DRAXIN: variants seen among roughly 807,000 people sequenced by gnomAD.
The protein encoded by DRAXIN is dorsal inhibitory axon guidance protein.
Under a neutral mutation model 33.9 loss-of-function variants are expected in DRAXIN, and 27 were observed. The observed-to-expected ratio is 0.80, with a 90% CI of 0.59 to 1.10. The LOEUF (loss-of-function observed/expected upper bound fraction) is 1.10. DRAXIN is among the 50% of genes least tolerant of loss of function. The probability of loss-of-function intolerance (pLI) is 0.00; values close to 1 mark genes in which losing one functional copy is unlikely to be tolerated. For missense variants in DRAXIN, 371 were observed against 460.8 expected (o/e 0.81, Z 1.78); for synonymous variants, 178 against 194.0 (o/e 0.92, Z 0.69).
rs2100735738 is a variant in DRAXIN at position 11,704,846 on chromosome 1, C to T, written c.-10-1403C>T. 6.6e-6 allele frequency among the ~76,000 whole-genome samples: 1 copy of T among 152,280 alleles called. No individual in the cohort carries two copies. On this transcript the variant is annotated intron_variant, in intron 1 of 6. Transcript: ENST00000294485. The surrounding 1 kb of genome is among the most constrained non-coding windows in gnomAD (Gnocchi z 4.6). The stretch of plus-strand genomic sequence containing the variant: ...ACAGTGGAGGCCAGGGCCCAGGATC[C>T]CAGGGGACCAGGACATGCCAGGCTG...
upstream of DRAXIN, among the ~76,000 whole-genome samples, chr1:11,687,295 G>A (rs188322352): frequency 1.9e-4 from 29 of 152,128 alleles, no homozygotes; most frequent in East Asian, 5.2e-3. The surrounding 1 kb of genome is among the most constrained non-coding windows in gnomAD (Gnocchi z 4.1). Context: ...GCTGGAGGGC[G>A]GTGGTGCAAT....
chr1:11,715,167 G>C lies in DRAXIN; in HGVS notation c.896G>C (p.Gly299Ala), dbSNP rs151284265. 1.9e-6 allele frequency: 3 copies of C among 1,614,264 alleles called. No individual in the cohort carries two copies. The highest frequency in any genetic ancestry group is 1.1e-5 in the South Asian group (1 of 91,082). Residue 299 changes from glycine (G) to alanine (A), a missense_variant, in exon 6 of 7, where the codon GGC (glycine) becomes GCC (alanine). Gly to Ala is a moderately conservative substitution (Grantham distance 60). Transcript: ENST00000294485. Reference protein sequence around the residue: ...REHLCTPHNRGLNNKCFDDCM... With the variant: ...REHLCTPHNRALNNKCFDDCM... ...CATCTCTGCACACCCCACAACCGAG[G>C]CCTCAACAACAAATGCTTCGATGAC...
At chr1:11,712,786 C>T (rs1641514990) in intron 5 of DRAXIN, among the ~76,000 whole-genome samples, 1 of 152,054 alleles carries the variant, frequency 6.6e-6, no homozygotes, top group Admixed American at 6.6e-5. Context: ...GTAATCCCAG[C>T]TACTCGGGAG....
In DRAXIN at chr1:11,704,971, G is replaced by GCCCTC. The variant is rs1641355759; in HGVS notation, c.-10-1277_-10-1276insCCTCC. Among the ~76,000 whole-genome samples, 1 of 152,196 alleles carries GCCCTC rather than the reference G, an allele frequency of 6.6e-6. No individual in the cohort carries two copies. The highest frequency in any genetic ancestry group is 1.5e-5 in the Non-Finnish European group (1 of 68,026). On this transcript the variant is annotated intron_variant, in intron 1 of 6. Coordinates refer to ENST00000294485, the MANE Select transcript of DRAXIN (RefSeq NM_198545.4). This position sits in a 1 kb window ranked among gnomAD's most constrained non-coding sequence, Gnocchi z 4.6. ...CGAGTGCGTGGTCAGAGCTTCGAGG[G>GCCCTC]CACAGCAGTTTCCCTGCCCTACCAC...
rs540949268 is a variant in DRAXIN, at chr1:11,705,717, G to A, written c.-10-532G>A. Among the ~76,000 whole-genome samples the A allele has an allele frequency of 1.2e-4, 18 of 152,284 alleles. No individual in the cohort carries two copies. Among genetic ancestry groups the A allele is most frequent in the Admixed American group, 2.6e-4 (4 of 15,302 alleles). On this transcript the variant is annotated intron_variant, in intron 1 of 6. Transcript: ENST00000294485. The surrounding 1 kb of genome is among the most constrained non-coding windows in gnomAD (Gnocchi z 4.8). ...CATTTCAGAGAGCTCTTGAAAGGGCGAAGTGACATGAATTCACACAAAGCA... is the reference window on the plus strand; with the variant it reads ...CATTTCAGAGAGCTCTTGAAAGGGCAAAGTGACATGAATTCACACAAAGCA...
In DRAXIN at chr1:11,692,759, G is replaced by T. The variant is rs919298529; in HGVS notation, c.-11+906G>T. On this transcript the variant is annotated intron_variant, in intron 1 of 6. Coordinates refer to ENST00000294485, the MANE Select transcript of DRAXIN (RefSeq NM_198545.4). This position sits in a 1 kb window ranked among gnomAD's most constrained non-coding sequence, Gnocchi z 5.8. ...CAGTGACACACTGGTGTCTGGAACC[G>T]GTTCAGTACTATGCATCTGGAGTCG... Among the ~76,000 whole-genome samples, 1 of 152,180 alleles carries T rather than the reference G, an allele frequency of 6.6e-6. No individual in the cohort carries two copies. Among genetic ancestry groups the T allele is most frequent in the Non-Finnish European group, 1.5e-5 (1 of 68,034 alleles).
chr1:11,702,428 CAT>C (rs891065257), intron 1 of DRAXIN, among the ~76,000 whole-genome samples: 7 of 148,468 alleles, frequency 4.7e-5, no homozygotes, highest in South Asian at 2.1e-4. Context: ...TTCACACACA[CAT>C]GCTAACACTC....
In DRAXIN at chr1:11,716,073, T is replaced by C. The variant is rs546480662; in HGVS notation, c.937+865T>C. ...TGGTAGAGGCAGAGTTTTGCCATGT[T>C]CCCTAGGCTGGTTTCAAACTCCTGA... On this transcript the variant is annotated intron_variant, in intron 6 of 6. Transcript: ENST00000294485. Among the ~76,000 whole-genome samples the C allele has an allele frequency of 3.9e-5, 6 of 152,310 alleles. No homozygotes were observed. The South Asian group carries it at 6.2e-4, about 16-fold the overall frequency.
intron 1 of DRAXIN, among the ~76,000 whole-genome samples, chr1:11,698,266 T>G (rs746741112): frequency 7.9e-5 from 12 of 152,184 alleles, no homozygotes; most frequent in Non-Finnish European, 1.8e-4. Flanking sequence ...TCCATACAGT[T>G]GTTCCCCAAC....
Position 11,696,925 on chromosome 1 carries a change from G to T in DRAXIN, c.-11+5072G>T, listed in dbSNP as rs1180800913. Among the ~76,000 whole-genome samples, 1 of 151,460 alleles carries T rather than the reference G, an allele frequency of 6.6e-6. No homozygotes were observed. The highest frequency in any genetic ancestry group is 1.5e-5 in the Non-Finnish European group (1 of 67,860). Reference sequence around the variant, plus strand: ...GTGGTGCATGCCTGTAATCCCAGCTGCTTGGGAGGCTAAGGCAGAAGAATC... The same window carrying T: ...GTGGTGCATGCCTGTAATCCCAGCTTCTTGGGAGGCTAAGGCAGAAGAATC... On this transcript the variant is annotated intron_variant, in intron 1 of 6. Coordinates refer to ENST00000294485, the MANE Select transcript of DRAXIN (RefSeq NM_198545.4). The surrounding 1 kb of genome is among the most constrained non-coding windows in gnomAD (Gnocchi z 4.7).
At chr1:11,712,616 CA>C (rs1356058573) in intron 5 of DRAXIN, among the ~76,000 whole-genome samples, 187 bp downstream of exon 5, 3 of 152,192 alleles carry the variant, frequency 2.0e-5, no homozygotes, top group African/African-American at 7.2e-5. Flanking sequence ...ACATTATTCA[CA>C]GCCAGGCACG....
Position 11,706,217 on chromosome 1 carries a change from G to A in DRAXIN, c.-10-32G>A, listed in dbSNP as rs1456230415. 6.7e-7 allele frequency: 1 copy of A among 1,502,260 alleles called. No individual in the cohort carries two copies. Among genetic ancestry groups the A allele is most frequent in the Non-Finnish European group, 8.9e-7 (1 of 1,121,774 alleles). The allele number at this position is 1,502,260 out of a possible 1,614,324, so 93.1% of individuals were successfully genotyped here. A position where few individuals can be genotyped will look rare whatever the true frequency, so the allele number is the denominator to read the frequency against. On this transcript the variant is annotated intron_variant, in intron 1 of 6. Coordinates refer to ENST00000294485, the MANE Select transcript of DRAXIN (RefSeq NM_198545.4). This position sits in a 1 kb window ranked among gnomAD's most constrained non-coding sequence, Gnocchi z 5.5. Reference sequence around the variant, plus strand: ...GAGGGGCAGCAGAGAGAGGCCTGGGGCTGCGCATTCATGGTGTTGCTCTTC... The same window carrying A: ...GAGGGGCAGCAGAGAGAGGCCTGGGACTGCGCATTCATGGTGTTGCTCTTC...
rs11121804 is a variant in DRAXIN at position 11,706,367 on chromosome 1, C to T, written c.109C>T (p.Leu37Phe). 253,956 of 1,613,664 alleles carry T rather than the reference C, an allele frequency of 0.16. 21,047 individuals carry two copies. Among genetic ancestry groups the T allele is most frequent in the East Asian group, 0.31 (13,967 of 44,834 alleles). The change falls in exon 2 of 7, where the codon CTC (leucine) becomes TTC (phenylalanine). Residue 37 changes from leucine (L) to phenylalanine (F), a missense_variant. Coordinates refer to ENST00000294485, the MANE Select transcript of DRAXIN (RefSeq NM_198545.4). The surrounding 1 kb of genome is among the most constrained non-coding windows in gnomAD (Gnocchi z 5.5). ...ALAPGTPARNLPENHIDLPGP... is the reference protein window; with the variant it reads ...ALAPGTPARNFPENHIDLPGP... ...TGCACCTGGGACCCCTGCCCGGAAC[C>T]TCCCTGAGAATCACATTGACCTCCC...
upstream of DRAXIN, among the ~76,000 whole-genome samples, chr1:11,689,766 C>G (rs1641028127): frequency 6.6e-6 from 1 of 152,170 alleles, no homozygotes; most frequent in East Asian, 1.9e-4. Flanking sequence ...ACTTTTTACT[C>G]TATGGACTCG....
At chr1:11,698,167 G>A (rs1264383676) in intron 1 of DRAXIN, among the ~76,000 whole-genome samples, 31 of 152,210 alleles carry the variant, frequency 2.0e-4, no homozygotes, top group Admixed American at 1.9e-3. Context: ...CATGAAGGGA[G>A]GAGATGTTGG....
chr1:11,691,022 C>A (rs1366979218), upstream of DRAXIN, among the ~76,000 whole-genome samples: 1 of 152,174 alleles, frequency 6.6e-6, no homozygotes, highest in East Asian at 1.9e-4. Context: ...GCGCCGTCAG[C>A]GCCCCAGGTG....
intron 6 of DRAXIN, among the ~76,000 whole-genome samples, chr1:11,718,884 A>ATTTG (rs373195409): frequency 0.017 from 2,612 of 151,784 alleles, 28 homozygotes; most frequent in African/African-American, 0.029. Flanking sequence ...CATGTGGTAG[A>ATTTG]TTTGTTTGTT....
At chr1:11,707,733 G>T (rs140118243) in intron 2 of DRAXIN, among the ~76,000 whole-genome samples, 4 of 152,014 alleles carry the variant, frequency 2.6e-5, no homozygotes, top group Non-Finnish European at 5.9e-5. Context: ...CTTCCTTAAC[G>T]TTTCCCCCAC....
intron 6 of DRAXIN, 87 bp downstream of exon 6, chr1:11,715,295 G>C: frequency 6.6e-7 from 1 of 1,522,974 alleles, no homozygotes; most frequent in Non-Finnish European, 9.1e-7. Flanking sequence ...GCACCGAGTG[G>C]GGAACAAGCT....
Sources: allele counts gnomAD v4.1 joint callset (sites outside exome capture counted in the v4.1 genomes callset), GRCh38; gene constraint gnomAD v4.1.1; non-coding constraint Gnocchi (gnomAD v3.1); transcripts MANE v1.5; gene names NCBI Gene and HGNC (gene_info 2026-07-23, HGNC 2026-07-21).